EMP2: variants seen among roughly 807,000 people sequenced by gnomAD.
EMP2 encodes epithelial membrane protein 2.
EMP2 carries 19 observed loss-of-function variants against 13.7 expected under a neutral mutation model. That is an observed-to-expected ratio of 1.38 (90% CI 0.97 to 2.03). EMP2 has a LOEUF of 2.03. Among genes scored for constraint, EMP2 ranks in the 30% most tolerant of loss-of-function variants. The probability of loss-of-function intolerance (pLI) is 0.00; values close to 1 mark genes in which losing one functional copy is unlikely to be tolerated. For missense variants in EMP2, 253 were observed against 220.7 expected (o/e 1.15, Z -0.93); for synonymous variants, 97 against 84.7 (o/e 1.15, Z -0.80).
At chr16:10,548,428 CG>C (rs2050756374) in intron 1 of EMP2, among the ~76,000 whole-genome samples, 1 of 152,166 alleles carries the variant, frequency 6.6e-6, no homozygotes, top group Non-Finnish European at 1.5e-5. Context: ...TGGTGGCTCA[CG>C]CCTGTAATCT....
At chr16:10,556,928 C>G (rs1414863527) in intron 1 of EMP2, among the ~76,000 whole-genome samples, 2 of 152,208 alleles carry the variant, frequency 1.3e-5, no homozygotes, top group Non-Finnish European at 2.9e-5. Flanking sequence ...GGGCACAAGG[C>G]AGTATCAAAT....
Position 10,532,543 on chromosome 16 carries a change from C to A in EMP2, c.*362G>T, listed in dbSNP as rs892416504. On this transcript the variant is annotated 3_prime_UTR_variant, in exon 5 of 5. Transcript: ENST00000359543. ...CATAGGAAGCACGTCCCCAGAGACC[C>A]GGCTTTCCCAGCCTCTCCTCTCCTC... is the stretch of plus-strand genomic sequence containing the variant. The A allele has an allele frequency of 6.5e-5, 10 of 154,618 alleles. No individual in the cohort carries two copies. The highest frequency in any genetic ancestry group is 1.9e-4 in the African/African-American group (8 of 41,546). 9.6% of individuals were successfully genotyped at this position (154,618 alleles called of 1,614,324 possible).
intron 1 of EMP2, among the ~76,000 whole-genome samples, chr16:10,565,899 T>C (rs1301428793): frequency 6.6e-6 from 1 of 152,226 alleles, no homozygotes; most frequent in Non-Finnish European, 1.5e-5. Flanking sequence ...ACTGGAGTGC[T>C]TCTGATGATA....
chr16:10,572,225 G>A (rs952467883), intron 1 of EMP2, among the ~76,000 whole-genome samples: 4 of 152,122 alleles, frequency 2.6e-5, no homozygotes, highest in African/African-American at 9.7e-5. Flanking sequence ...GGAGGCTGAG[G>A]AGGGAGGATC....
intron 1 of EMP2, among the ~76,000 whole-genome samples, chr16:10,561,420 G>A (rs2050870380): frequency 6.6e-6 from 1 of 152,178 alleles, no homozygotes; most frequent in Admixed American, 6.5e-5. Context: ...ATCCTGCTCA[G>A]GGAGAAAGCA....
intron 3 of EMP2, among the ~76,000 whole-genome samples, chr16:10,540,527 C>CAAATAAATAAAT (rs57593107): frequency 7.3e-5 from 11 of 150,880 alleles, no homozygotes; most frequent in Non-Finnish European, 1.5e-4. Flanking sequence ...AATAAATAAA[C>CAAATAAATAAAT]AAATAAATAA....
intron 1 of EMP2, among the ~76,000 whole-genome samples, chr16:10,559,477 C>T (rs1158152665): frequency 1.3e-5 from 2 of 152,218 alleles, no homozygotes; most frequent in Non-Finnish European, 2.9e-5. Context: ...TGCCCCAGGG[C>T]AGAAGCCACT....
At position 10,535,513 on chromosome 16, in the gene EMP2, T is replaced by C. The variant is rs551060496; in HGVS notation, c.316+2415A>G. Among the ~76,000 whole-genome samples, 5 of 152,182 alleles carry C rather than the reference T, an allele frequency of 3.3e-5. No individual in the cohort carries two copies. The South Asian group carries it at 8.3e-4, about 25-fold the overall frequency. On this transcript the variant is annotated intron_variant, in intron 4 of 4. Coordinates refer to ENST00000359543, the MANE Select transcript of EMP2 (RefSeq NM_001424.6). ...ACTTTGAGAGGCTGACGCTGGCAGA[T>C]TGCGAGACCAGCCTGCACAACATAG...
chr16:10,573,770 G>C (rs1002671441), intron 1 of EMP2, among the ~76,000 whole-genome samples: 1 of 152,108 alleles, frequency 6.6e-6, no homozygotes, highest in Non-Finnish European at 1.5e-5. Flanking sequence ...TCCAGACATT[G>C]TTCCTCGTAT....
intron 1 of EMP2, among the ~76,000 whole-genome samples, chr16:10,573,000 C>A (rs746205898): frequency 1.3e-5 from 2 of 152,204 alleles, no homozygotes; most frequent in Non-Finnish European, 2.9e-5. Flanking sequence ...AGAAACAGAA[C>A]CCTCACTTCA....
At chr16:10,556,023 C>T (rs2050825557) in intron 1 of EMP2, among the ~76,000 whole-genome samples, 1 of 152,136 alleles carries the variant, frequency 6.6e-6, no homozygotes, top group African/African-American at 2.4e-5. Flanking sequence ...GTCTCTTTTT[C>T]ACCATCATTT....
At chr16:10,564,739 C>A (rs532416740) in intron 1 of EMP2, among the ~76,000 whole-genome samples, 308 of 152,118 alleles carry the variant, frequency 2.0e-3, no homozygotes, top group Middle Eastern at 0.014. Flanking sequence ...GGAAATAAAC[C>A]ACCAGGGCAG....
At chr16:10,550,079 T>C (rs947746415) in intron 1 of EMP2, among the ~76,000 whole-genome samples, 1 of 152,036 alleles carries the variant, frequency 6.6e-6, no homozygotes, top group Non-Finnish European at 1.5e-5. Flanking sequence ...ACAGACAGGG[T>C]TTCACTATGT....
intron 1 of EMP2, among the ~76,000 whole-genome samples, chr16:10,575,234 ATTCTTTT>A (rs2050974978): frequency 3.7e-5 from 2 of 53,368 alleles, no homozygotes; most frequent in African/African-American, 1.3e-4. Flanking sequence ...TGGAGCTTGC[ATTCTTTT>A]TTTTTTTTTT....
chr16:10,540,039 G>T (rs8048143), intron 3 of EMP2, among the ~76,000 whole-genome samples: 6 of 152,044 alleles, frequency 3.9e-5, no homozygotes, highest in Admixed American at 1.3e-4. Flanking sequence ...GGAAAACATG[G>T]CTTTGGGGGA....
At chr16:10,554,501 C>T (rs1357439302) in intron 1 of EMP2, among the ~76,000 whole-genome samples, 1 of 152,132 alleles carries the variant, frequency 6.6e-6, no homozygotes, top group Non-Finnish European at 1.5e-5. Flanking sequence ...TACATACACC[C>T]ATGTTGCATC....
chr16:10,562,605 T>C (rs1009664004), intron 1 of EMP2, among the ~76,000 whole-genome samples: 3 of 152,004 alleles, frequency 2.0e-5, no homozygotes. Context: ...CAGCCCAAAT[T>C]CCCCATCTAT....
rs984591710 is a variant in EMP2, at chr16:10,543,733, G to A, written c.79-73C>T. 23 of 1,425,532 alleles carry A rather than the reference G, an allele frequency of 1.6e-5. No homozygotes were observed. The African/African-American group carries it at 2.5e-4, about 16-fold the overall frequency. The allele number at this position is 1,425,532 out of a possible 1,614,324, so 88.3% of individuals were successfully genotyped here. ...CAAACACTGACTGCTAATTAGGCAC[G>A]AGGCATGGTGGGCTTCCAGGATTCT... is the stretch of plus-strand genomic sequence containing the variant. On this transcript the variant is annotated intron_variant, in intron 2 of 4. Transcript: ENST00000359543.
chr16:10,544,926 A>G (rs1566878), intron 2 of EMP2: 10,691 of 152,262 alleles, frequency 0.07, 673 homozygotes, highest in African/African-American at 0.17. Flanking sequence ...ATGACCAGAC[A>G]AGATTCTCCT....
Sources: gnomAD v4.1 joint callset for allele counts (sites outside exome capture counted in the v4.1 genomes callset) on GRCh38, gnomAD v4.1.1 for gene constraint, MANE v1.5 for transcripts, NCBI Gene and HGNC (gene_info 2026-07-23, HGNC 2026-07-21) for gene names.